The following AQP9 variants were observed in gnomAD, a reference collection of about 807,000 sequenced individuals.
AQP9 encodes the protein aquaporin-9.
AQP9 carries 19 observed loss-of-function variants against 23.8 expected under a neutral mutation model. The ratio of observed to expected loss-of-function variants is 0.80; its 90% CI spans 0.56 to 1.17. The LOEUF is 1.17. AQP9 is among the 50% of genes most tolerant of loss of function. AQP9 has a pLI of 0.00. For synonymous variants in AQP9, 153 were observed against 131.5 expected (o/e 1.16, Z -1.12); for missense variants, 413 against 362.0 (o/e 1.14, Z -1.14).
chr15:58,158,872 C>A (rs1898316618), intron 1 of AQP9, among the ~76,000 whole-genome samples: 1 of 152,188 alleles, frequency 6.6e-6, no homozygotes, highest in Non-Finnish European at 1.5e-5. Flanking sequence ...AGGTTGCCTG[C>A]ATTCACAAAC....
intron 1 of AQP9, chr15:58,153,440 A>C (rs1172569539): frequency 6.6e-6 from 1 of 152,156 alleles, no homozygotes; most frequent in East Asian, 1.9e-4. Flanking sequence ...GTGTAGGGGC[A>C]TCACCACATT....
At chr15:58,169,367 G>C (rs771982090) in intron 2 of AQP9, among the ~76,000 whole-genome samples, 2 of 152,198 alleles carry the variant, frequency 1.3e-5, no homozygotes, top group Non-Finnish European at 2.9e-5. Flanking sequence ...ATCTAGCACA[G>C]TTCAGGCTCC....
Position 58,138,399 on chromosome 15 carries a change from G to A in AQP9, c.-167G>A. ...GACAGTTCCACCAGAAGACGATTAAGCCACAGCCTCTAATTGGAACGGCAT... is the reference window on the plus strand; with the variant it reads ...GACAGTTCCACCAGAAGACGATTAAACCACAGCCTCTAATTGGAACGGCAT... On this transcript the variant is annotated 5_prime_UTR_variant, in exon 1 of 6. Coordinates refer to ENST00000219919, the MANE Select transcript of AQP9 (RefSeq NM_020980.5). 1.8e-6 allele frequency: 1 copy of A among 559,930 alleles called. No individual in the cohort carries two copies. Among genetic ancestry groups the A allele is most frequent in the Non-Finnish European group, 3.2e-6 (1 of 311,534 alleles). The allele number at this position is 559,930 out of a possible 1,614,324, so 34.7% of individuals were successfully genotyped here.
chr15:58,150,478 C>A (rs1009877887), intron 1 of AQP9: 2 of 152,652 alleles, frequency 1.3e-5, no homozygotes, highest in Admixed American at 6.5e-5. Flanking sequence ...CTAACCACCA[C>A]TTTGGCTTTG....
intron 1 of AQP9, among the ~76,000 whole-genome samples, chr15:58,141,812 T>C (rs776666764): frequency 1.3e-5 from 2 of 152,172 alleles, no homozygotes; most frequent in Non-Finnish European, 2.9e-5. Flanking sequence ...TATTACAAAG[T>C]TTGTTCAGAT....
At chr15:58,163,058 T>C (rs1898415988) in intron 1 of AQP9, among the ~76,000 whole-genome samples, 1 of 152,036 alleles carries the variant, frequency 6.6e-6, no homozygotes, top group Non-Finnish European at 1.5e-5. Flanking sequence ...AACTAGAAGG[T>C]GGTGTTATGT....
At chr15:58,159,319 A>T (rs776445266) in intron 1 of AQP9, among the ~76,000 whole-genome samples, 2 of 151,840 alleles carry the variant, frequency 1.3e-5, no homozygotes, top group Non-Finnish European at 2.9e-5. Context: ...TCTATTTATC[A>T]TTTCCACATT....
At chr15:58,181,526 T>A (rs1898888843) in intron 5 of AQP9, among the ~76,000 whole-genome samples, 1 of 152,140 alleles carries the variant, frequency 6.6e-6, no homozygotes, top group Admixed American at 6.5e-5. Context: ...AGAGGGGTTA[T>A]CTCAGGCAGA....
At chr15:58,144,924 G>T (rs563585124) in intron 1 of AQP9, among the ~76,000 whole-genome samples, 6 of 147,278 alleles carry the variant, frequency 4.1e-5, no homozygotes, top group African/African-American at 1.5e-4. Context: ...TGAGGCAGGA[G>T]AATCGCTTCA....
intron 1 of AQP9, among the ~76,000 whole-genome samples, chr15:58,160,577 T>G (rs1595735349): frequency 6.6e-6 from 1 of 152,162 alleles, no homozygotes; most frequent in South Asian, 2.1e-4. Context: ...GTAATCACTC[T>G]GTGGTTCTCC....
At position 58,171,812 on chromosome 15, in the gene AQP9, T is replaced by C. The variant is rs563511615; in HGVS notation, c.239-1256T>C. Among the ~76,000 whole-genome samples, 8 of 152,028 alleles carry C rather than the reference T, an allele frequency of 5.3e-5. No individual in the cohort carries two copies. The South Asian group carries it at 1.7e-3, about 32-fold the overall frequency. ...AGTGGTAGAGGCTTCTGGAAACAAGTGCACCTATTGGTTCTGTGCAGGATC... is the reference window on the plus strand; with the variant it reads ...AGTGGTAGAGGCTTCTGGAAACAAGCGCACCTATTGGTTCTGTGCAGGATC... On this transcript the variant is annotated intron_variant, in intron 2 of 5. Coordinates refer to ENST00000219919, the MANE Select transcript of AQP9 (RefSeq NM_020980.5).
intron 2 of AQP9, among the ~76,000 whole-genome samples, chr15:58,171,834 GATCATC>G (rs34291701): frequency 9.3e-5 from 14 of 149,846 alleles, no homozygotes; most frequent in East Asian, 7.9e-4. Context: ...TTCTGTGCAG[GATCATC>G]ATCATCATCA....
At chr15:58,159,688 T>G (rs1898334618) in intron 1 of AQP9, among the ~76,000 whole-genome samples, 2 of 152,174 alleles carry the variant, frequency 1.3e-5, no homozygotes, top group Non-Finnish European at 2.9e-5. Context: ...CTCTAGTAAC[T>G]ACCCATCTAC....
At position 58,140,913 on chromosome 15, in the gene AQP9, G is replaced by T. The variant is rs530348930; in HGVS notation, c.111+2237G>T. Reference sequence around the variant, plus strand: ...ACATGGGCCACGGACTGGTACAGGTGGTCCCTGGTGCTAAAAGGTTGGGAA... The same window carrying T: ...ACATGGGCCACGGACTGGTACAGGTTGTCCCTGGTGCTAAAAGGTTGGGAA... On this transcript the variant is annotated intron_variant, in intron 1 of 5. Transcript: ENST00000219919. 1.3e-4 allele frequency among the ~76,000 whole-genome samples: 20 copies of T among 152,226 alleles called. 1 individual carries two copies. In the South Asian group the frequency reaches 4.1e-3, roughly 32 times the overall value.
intron 5 of AQP9, among the ~76,000 whole-genome samples, chr15:58,180,686 T>TC (rs1898867389): frequency 6.6e-6 from 1 of 152,128 alleles, no homozygotes; most frequent in South Asian, 2.1e-4. Flanking sequence ...GGGCAACTGT[T>TC]CCCCAGGGCA....
chr15:58,152,962 A>G (rs539013349), intron 1 of AQP9: 38 of 152,240 alleles, frequency 2.5e-4, no homozygotes, highest in African/African-American at 7.0e-4. Flanking sequence ...TCAAATATTT[A>G]CTCATTTTCC....
intron 1 of AQP9, chr15:58,153,321 C>G (rs191330059): frequency 6.6e-6 from 1 of 152,314 alleles, no homozygotes; most frequent in East Asian, 1.9e-4. Context: ...AAGGCCCAAC[C>G]CCAGTTTCAG....
At chr15:58,172,641 C>T (rs189503629) in intron 2 of AQP9, among the ~76,000 whole-genome samples, 1 of 152,086 alleles carries the variant, frequency 6.6e-6, no homozygotes, top group African/African-American at 2.4e-5. Flanking sequence ...TGGGCATGGC[C>T]GGAGGAACTG....
In AQP9 at chr15:58,138,601, C is replaced by T; in HGVS notation, c.36C>T (p.Phe12=). 6.2e-7 allele frequency: 1 copy of T among 1,613,890 alleles called. No homozygotes were observed. The highest frequency in any genetic ancestry group is 8.5e-7 in the Non-Finnish European group (1 of 1,179,834). The part of the protein sequence containing the change: ...QPEGAEKGKS[F]KQRLVLKSSL... ...AGGGAGCAGAAAAGGGAAAAAGCTT[C>T]AAGCAGAGACTGGTCTTGAAGAGCA... is the stretch of plus-strand genomic sequence containing the variant. The change falls in exon 1 of 6, where the codon TTC becomes TTT. Residue 12 remains phenylalanine, a synonymous_variant. Transcript: ENST00000219919.
Sources: allele counts gnomAD v4.1 joint callset (sites outside exome capture counted in the v4.1 genomes callset), GRCh38; gene constraint gnomAD v4.1.1; transcripts MANE v1.5; gene names NCBI Gene and HGNC (gene_info 2026-07-23, HGNC 2026-07-21).